Variants in SYMPK observed in about 807,000 individuals in gnomAD.
SYMPK encodes the protein symplekin.
Under a neutral mutation model 136.4 loss-of-function variants are expected in SYMPK, and 49 were observed. That is an observed-to-expected ratio of 0.36 (90% confidence interval 0.29 to 0.46). SYMPK has a LOEUF of 0.46. Among genes scored for constraint, SYMPK ranks in the 20% least tolerant of loss-of-function variants. The probability of loss-of-function intolerance (pLI) is 1.00; values close to 1 mark genes in which losing one functional copy is unlikely to be tolerated. For synonymous variants in SYMPK, 766 were observed against 713.0 expected (o/e 1.07, Z -1.19); for missense variants, 1,365 against 1,690.0 (o/e 0.81, Z 3.37).
At chr19:45,845,068 G>T (rs1169156547) in intron 7 of SYMPK, among the ~76,000 whole-genome samples, 2 of 151,734 alleles carry the variant, frequency 1.3e-5, no homozygotes, top group African/African-American at 4.8e-5. Context: ...TAAAATGTAT[G>T]ATTATTTTTT....
Position 45,825,235 on chromosome 19 carries a change from G to A in SYMPK, c.2426C>T (p.Ala809Val), listed in dbSNP as rs769406464. 2 of 1,614,176 alleles carry A rather than the reference G, an allele frequency of 1.2e-6. No individual in the cohort carries two copies. Among genetic ancestry groups the A allele is most frequent in the Non-Finnish European group, 1.7e-6 (2 of 1,180,030 alleles). The change falls in exon 18 of 27, where the codon GCG becomes GTG. Residue 809 changes from alanine (A) to valine (V), a missense_variant. Ala to Val is a moderately conservative substitution (Grantham distance 64, BLOSUM62 0). Transcript: ENST00000245934. ...PQNHKLIHEL[A>V]AVYTEAIADI... ...GGCGATGGCTTCAGTGTACACGGCC[G>A]CCAGTTCGTGGATCAGCTTGTGGTT...
chr19:45,842,501 G>C lies in SYMPK; in HGVS notation c.848-12C>G. 6.2e-7 allele frequency: 1 copy of C among 1,607,268 alleles called. No individual in the cohort carries two copies. Among genetic ancestry groups the C allele is most frequent in the Admixed American group, 1.7e-5 (1 of 59,754 alleles). On this transcript the variant is annotated splice_polypyrimidine_tract_variant and intron_variant, in intron 8 of 26. Transcript: ENST00000245934. ...CGGGGGCAGGTTGGCTGTGAGGAAA[G>C]TGGCAGGAGCTGTGTCTTGTGGAAG...
At chr19:45,835,785 G>A (rs1333200361) in intron 10 of SYMPK, among the ~76,000 whole-genome samples, 2 of 152,148 alleles carry the variant, frequency 1.3e-5, no homozygotes, top group Middle Eastern at 3.4e-3. Context: ...AGCAGCATGT[G>A]CCTGTAATCC....
At chr19:45,831,862 G>A (rs1971183933) in intron 11 of SYMPK, among the ~76,000 whole-genome samples, 1 of 151,074 alleles carries the variant, frequency 6.6e-6, no homozygotes, top group South Asian at 2.1e-4. Context: ...TAGACTGGGT[G>A]TCACTCTGTC....
At chr19:45,826,765 T>C (rs1487701628) in intron 16 of SYMPK, among the ~76,000 whole-genome samples, 5 of 152,108 alleles carry the variant, frequency 3.3e-5, no homozygotes, top group African/African-American at 2.4e-5. Context: ...GGTCTGGTCC[T>C]GGGCACTCTG....
At chr19:45,852,665 T>G (rs556476153) in intron 3 of SYMPK, 130 bp from the exon 4 acceptor site, 2 of 1,111,690 alleles carry the variant, frequency 1.8e-6, no homozygotes, top group Non-Finnish European at 2.7e-6. Context: ...AATGCCTGGC[T>G]CTGCTTCTCC....
chr19:45,832,113 G>A (rs1013703438), intron 11 of SYMPK, among the ~76,000 whole-genome samples: 1 of 152,188 alleles, frequency 6.6e-6, no homozygotes, highest in Non-Finnish European at 1.5e-5. Context: ...AAAGTGCTGG[G>A]ATTACAGGTA....
chr19:45,822,095 C>T (rs1052022156), intron 21 of SYMPK, among the ~76,000 whole-genome samples: 9 of 147,550 alleles, frequency 6.1e-5, no homozygotes, highest in Non-Finnish European at 1.0e-4. Context: ...GCTAGTTTTT[C>T]TAAGTTGAAA....
At chr19:45,850,456 C>T (rs1971673102) in intron 5 of SYMPK, among the ~76,000 whole-genome samples, 1 of 152,178 alleles carries the variant, frequency 6.6e-6, no homozygotes, top group African/African-American at 2.4e-5. Flanking sequence ...CTACTTCCTC[C>T]CAGTCACAAA....
At chr19:45,833,448 TA>T (rs1015198663) in intron 11 of SYMPK, among the ~76,000 whole-genome samples, 2 of 149,174 alleles carry the variant, frequency 1.3e-5, no homozygotes, top group African/African-American at 4.9e-5. Context: ...AAAAATACAA[TA>T]AAATTAGCTG....
chr19:45,826,447 C>CA (rs1971046032), intron 16 of SYMPK, 74 bp from the exon 17 acceptor site: 17 of 1,522,082 alleles, frequency 1.1e-5, no homozygotes, highest in Non-Finnish European at 1.4e-5. Context: ...GCGAGCATGG[C>CA]AACACTCACG....
At chr19:45,817,865 G>A in intron 23 of SYMPK, 94 bp downstream of exon 23, 1 of 1,303,800 alleles carries the variant, frequency 7.7e-7, no homozygotes, top group Non-Finnish European at 1.0e-6. Context: ...TCCTCCACCG[G>A]GCTCCCTCCG....
At chr19:45,828,429 G>A (rs564543165) in intron 14 of SYMPK, 3 of 180,362 alleles carry the variant, frequency 1.7e-5, no homozygotes, top group Admixed American at 5.5e-5. Context: ...AAAGAGATTG[G>A]GTCACATAAG....
intron 21 of SYMPK, among the ~76,000 whole-genome samples, chr19:45,822,158 ATC>A (rs1353331367): frequency 7.9e-6 from 1 of 126,732 alleles, no homozygotes; most frequent in African/African-American, 3.1e-5. Context: ...TCACTCTGTC[ATC>A]CAGGCTGGAG....
chr19:45,861,799 CT>C (rs1971973987), intron 1 of SYMPK: 1 of 151,414 alleles, frequency 6.6e-6, no homozygotes. Context: ...AATCCCTGCA[CT>C]TTGGAAGGCT....
chr19:45,853,992 G>T (rs1331115153), intron 3 of SYMPK, among the ~76,000 whole-genome samples, 183 bp downstream of exon 3: 2 of 152,198 alleles, frequency 1.3e-5, no homozygotes, highest in Non-Finnish European at 2.9e-5. Flanking sequence ...AAACAGGGAT[G>T]AAACTACCCT....
At chr19:45,824,149 G>T in intron 18 of SYMPK, 1 of 403,506 alleles carries the variant, frequency 2.5e-6, no homozygotes, top group Non-Finnish European at 4.6e-6. Flanking sequence ...GACTTGACCT[G>T]ACCTCGAATG....
At chr19:45,849,347 T>G (rs1175399418) in intron 5 of SYMPK, among the ~76,000 whole-genome samples, 2 of 152,194 alleles carry the variant, frequency 1.3e-5, no homozygotes, top group Admixed American at 1.3e-4. Flanking sequence ...TCACTAGTTT[T>G]GCTTGCCTCA....
intron 5 of SYMPK, among the ~76,000 whole-genome samples, chr19:45,850,069 A>C (rs1317928352): frequency 3.3e-5 from 5 of 150,514 alleles, no homozygotes; most frequent in Non-Finnish European, 3.0e-5. Context: ...AAACAAAAAC[A>C]AAAAAAAACA....
Sources: allele counts gnomAD v4.1 joint callset (sites outside exome capture counted in the v4.1 genomes callset), GRCh38; gene constraint gnomAD v4.1.1; transcripts MANE v1.5; gene names NCBI Gene and HGNC (gene_info 2026-07-23, HGNC 2026-07-21).